Variants in SEL1L3 observed in about 807,000 individuals in gnomAD.
SEL1L3 encodes SEL1L family member 3.
SEL1L3 carries 76 observed loss-of-function variants against 142.8 expected under a neutral mutation model. The observed-to-expected ratio is 0.53, with a 90% CI of 0.44 to 0.64. The LOEUF is 0.64. Ranked by LOEUF, SEL1L3 falls within the 30% of genes least tolerant of loss-of-function variation. SEL1L3 has a pLI of 0.00. For synonymous variants in SEL1L3, 504 were observed against 519.6 expected, an observed-to-expected ratio of 0.97 and a Z score of 0.41; for missense variants, 1,262 against 1,381.7, an observed-to-expected ratio of 0.91 and a Z score of 1.37.
At chr4:25,715,332 TA>T in the SEL1L3 span, among the ~76,000 whole-genome samples, 8 of 152,204 alleles carry the variant, frequency 5.3e-5, no homozygotes, top group African/African-American at 1.2e-4. Flanking sequence ...TCTCAATTTT[TA>T]AAAATTATAT....
Position 25,862,713 on chromosome 4 carries a change from C to T in SEL1L3, c.124G>A (p.Gly42Ser). ...PSGGVPQGLGGRSACALLLLC... is the reference protein window; with the variant it reads ...PSGGVPQGLGSRSACALLLLC... ...AGGAGCAGCGCGCAGGCAGAGCGGC[C>T]GCCGAGGCCCTGGGGGACGCCGCCA... The change falls in exon 1 of 24, where the codon GGC becomes AGC. Residue 42 changes from glycine (G) to serine (S), a missense_variant. Around this residue, in one of 3 missense-constraint regions of SEL1L3, gnomAD observed 689 missense variants for 692.8 expected, o/e 0.99. Transcript: ENST00000399878. The T allele has an allele frequency of 9.3e-6, 12 of 1,296,976 alleles. No homozygotes were observed. Among genetic ancestry groups the T allele is most frequent in the Non-Finnish European group, 9.8e-6 (10 of 1,020,020 alleles). The allele number at this position is 1,296,976 out of a possible 1,614,324, so 80.3% of individuals were successfully genotyped here.
the SEL1L3 span, among the ~76,000 whole-genome samples, chr4:25,731,932 G>A: frequency 6.6e-6 from 1 of 152,108 alleles, no homozygotes; most frequent in Admixed American, 6.5e-5. Context: ...AAGTTAGCTG[G>A]GCATGGTGGT....
the SEL1L3 span, among the ~76,000 whole-genome samples, chr4:25,733,797 G>A: frequency 6.6e-6 from 1 of 152,090 alleles, no homozygotes. Context: ...TTACCGATGT[G>A]AGCCACCGCG....
At position 25,788,895 on chromosome 4, in the gene SEL1L3, C is replaced by A. The variant is rs1353209896; in HGVS notation, c.2077-531G>T. 6.6e-6 allele frequency among the ~76,000 whole-genome samples: 1 copy of A among 152,078 alleles called. No homozygotes were observed. Among genetic ancestry groups the A allele is most frequent in the Non-Finnish European group, 1.5e-5 (1 of 68,006 alleles). ...ACTTATCTTTGTCCCTGTCTGTTAG[C>A]CCCCCAACCCAGCAGAGCTCAGCAG... On this transcript the variant is annotated intron_variant, in intron 12 of 23. Transcript: ENST00000399878. This position sits in a 1 kb window ranked among gnomAD's most constrained non-coding sequence, Gnocchi z 5.3.
At chr4:25,751,368 TA>T (rs1717577222) in intron 23 of SEL1L3, among the ~76,000 whole-genome samples, 1 of 152,130 alleles carries the variant, frequency 6.6e-6, no homozygotes, top group Non-Finnish European at 1.5e-5. Flanking sequence ...GAAGAAGGGC[TA>T]ATGACGCTTG....
intron 1 of SEL1L3, among the ~76,000 whole-genome samples, chr4:25,849,879 C>T (rs1427577150): frequency 6.6e-6 from 1 of 152,156 alleles, no homozygotes; most frequent in Non-Finnish European, 1.5e-5. Context: ...TCAGTGTTCC[C>T]ATCAAACTGT....
chr4:25,819,953 A>C lies in SEL1L3; in HGVS notation c.1291-13T>G. ...GGGGATTAAAAATCTACAAGAAGGC[A>C]AGAAAGTCAAATGAACAACAATTGT... On this transcript the variant is annotated splice_polypyrimidine_tract_variant and intron_variant, in intron 7 of 23. Coordinates refer to ENST00000399878, the MANE Select transcript of SEL1L3 (RefSeq NM_015187.5). The C allele has an allele frequency of 1.2e-6, 2 of 1,605,552 alleles. No individual in the cohort carries two copies. Among genetic ancestry groups the C allele is most frequent in the Non-Finnish European group, 1.7e-6 (2 of 1,175,584 alleles).
chr4:25,749,410 C>T (rs1038965714), intron 23 of SEL1L3, among the ~76,000 whole-genome samples: 3 of 151,612 alleles, frequency 2.0e-5, no homozygotes, highest in Non-Finnish European at 2.9e-5. Flanking sequence ...AGAAAGAATG[C>T]ATAATTAGCA....
At chr4:25,817,880 C>A (rs539989107) in intron 9 of SEL1L3, among the ~76,000 whole-genome samples, 1 of 152,294 alleles carries the variant, frequency 6.6e-6, no homozygotes, top group African/African-American at 2.4e-5. Flanking sequence ...GCGGCCTATC[C>A]ATTTGCCGCC....
chr4:25,794,880 A>C (rs898490550), intron 11 of SEL1L3, among the ~76,000 whole-genome samples: 15 of 152,174 alleles, frequency 9.9e-5, no homozygotes, highest in Admixed American at 2.0e-4. Context: ...CAGCCACAAA[A>C]AGGAATGAGA....
chr4:25,757,357 A>C (rs1190459993), intron 23 of SEL1L3, among the ~76,000 whole-genome samples, 177 bp downstream of exon 23: 1 of 151,082 alleles, frequency 6.6e-6, no homozygotes, highest in Non-Finnish European at 1.5e-5. Flanking sequence ...GGAATTTCAT[A>C]CACCTCTAGA....
chr4:25,805,748 A>C (rs1423512988), intron 9 of SEL1L3, among the ~76,000 whole-genome samples: 1 of 152,216 alleles, frequency 6.6e-6, no homozygotes, highest in Non-Finnish European at 1.5e-5. Context: ...TTTACTTTCC[A>C]TTATGTGCAA....
chr4:25,833,672 G>A, intron 3 of SEL1L3, 103 bp from the exon 4 acceptor site: 1 of 1,052,706 alleles, frequency 9.5e-7, no homozygotes, highest in Non-Finnish European at 1.3e-6. Context: ...TCCAATGAAT[G>A]GATGAATTTG....
chr4:25,777,904 G>A (rs1424447355), intron 16 of SEL1L3: 1 of 455,544 alleles, frequency 2.2e-6, no homozygotes, highest in Admixed American at 2.4e-5. Context: ...GTAAAGAGCA[G>A]GATAGTAAAT....
Position 25,788,400 on chromosome 4 carries a change from C to G in SEL1L3, c.2077-36G>C, listed in dbSNP as rs757910507. 1 of 1,609,454 alleles carries G rather than the reference C, an allele frequency of 6.2e-7. No homozygotes were observed. Among genetic ancestry groups the G allele is most frequent in the Non-Finnish European group, 8.5e-7 (1 of 1,177,624 alleles). ...ATAGCAATTTAGAACAATGACTTTT[C>G]CTGTATAATGCTTAACACAAGATTT... On this transcript the variant is annotated intron_variant, in intron 12 of 23. Coordinates refer to ENST00000399878, the MANE Select transcript of SEL1L3 (RefSeq NM_015187.5). The surrounding 1 kb of genome is among the most constrained non-coding windows in gnomAD (Gnocchi z 5.3).
At chr4:25,789,259 G>C (rs1169749923) in intron 12 of SEL1L3, among the ~76,000 whole-genome samples, 1 of 152,022 alleles carries the variant, frequency 6.6e-6, no homozygotes, top group African/African-American at 2.4e-5. Context: ...ATGTGAGGAA[G>C]ACCCCTATAG....
chr4:25,854,666 C>G (rs549824304), intron 1 of SEL1L3, among the ~76,000 whole-genome samples: 2 of 152,238 alleles, frequency 1.3e-5, no homozygotes, highest in East Asian at 3.9e-4. Context: ...ATAGGAGAAA[C>G]GGGGTGAATA....
intron 23 of SEL1L3, among the ~76,000 whole-genome samples, chr4:25,754,408 G>A (rs1717816485): frequency 6.6e-6 from 1 of 150,574 alleles, no homozygotes. Context: ...GAGCGTGGTG[G>A]TGCAATTTCA....
intron 17 of SEL1L3, among the ~76,000 whole-genome samples, chr4:25,769,246 T>C (rs1445756618): frequency 6.6e-6 from 1 of 152,170 alleles, no homozygotes; most frequent in African/African-American, 2.4e-5. Flanking sequence ...AAAAGCAGCT[T>C]CTGGCAGGCA....
Sources: gnomAD v4.1 joint callset for allele counts (sites outside exome capture counted in the v4.1 genomes callset) on GRCh38, gnomAD v4.1.1 for gene constraint, gnomAD v4.1.1 regional missense constraint, Gnocchi (gnomAD v3.1) non-coding constraint, MANE v1.5 for transcripts, NCBI Gene and HGNC (gene_info 2026-07-23, HGNC 2026-07-21) for gene names.